Variants in LAMA2 observed in about 807,000 individuals in gnomAD.
LAMA2 encodes laminin subunit alpha-2.
A neutral mutation model predicts 364.8 loss-of-function variants in LAMA2; 269 were observed. The observed-to-expected ratio is 0.74, with a 90% confidence interval of 0.67 to 0.82. The LOEUF (loss-of-function observed/expected upper bound fraction) is 0.82. LAMA2 is among the 40% of genes least tolerant of loss of function. The pLI is 0.00. For synonymous variants in LAMA2, 1,379 were observed against 1,370.6 expected, an observed-to-expected ratio of 1.01 and a Z score of -0.14; for missense variants, 3,807 against 3,873.2, an observed-to-expected ratio of 0.98 and a Z score of 0.45.
intron 42 of LAMA2, 67 bp from the exon 43 acceptor site, chr6:129,440,749 C>A: frequency 7.3e-7 from 1 of 1,378,162 alleles, no homozygotes; most frequent in Non-Finnish European, 1.0e-6. Flanking sequence ...CTCGCTTTGT[C>A]AAGCATGGAT....
intron 58 of LAMA2, 93 bp downstream of exon 58, chr6:129,492,576 T>G: frequency 1.8e-6 from 2 of 1,123,560 alleles, no homozygotes; most frequent in Admixed American, 3.5e-5. Flanking sequence ...TCTAGTACAC[T>G]CTGATATTAG....
At chr6:129,456,982 T>G (rs1583796661) in intron 48 of LAMA2, among the ~76,000 whole-genome samples, 1 of 152,224 alleles carries the variant, frequency 6.6e-6, no homozygotes, top group East Asian at 1.9e-4. Context: ...GCACTTAATA[T>G]TCATAATTGC....
At chr6:129,469,311 T>C (rs1244710561) in intron 51 of LAMA2, among the ~76,000 whole-genome samples, 1 of 151,914 alleles carries the variant, frequency 6.6e-6, no homozygotes, top group Non-Finnish European at 1.5e-5. Flanking sequence ...GATTCAATAA[T>C]AGTCTAGGCA....
intron 12 of LAMA2, among the ~76,000 whole-genome samples, chr6:129,206,123 A>G (rs1202321636): frequency 9.0e-6 from 1 of 110,820 alleles, no homozygotes; most frequent in Non-Finnish European, 1.8e-5. Context: ...GAAGGAAGGA[A>G]GGAAGGAAGG....
intron 3 of LAMA2, among the ~76,000 whole-genome samples, chr6:129,065,614 G>A (rs1431787319): frequency 6.6e-6 from 1 of 151,812 alleles, no homozygotes. Context: ...AACTAACGAG[G>A]AACTATCTTT....
chr6:129,119,769 C>G (rs1039724615), intron 4 of LAMA2, among the ~76,000 whole-genome samples: 1 of 152,108 alleles, frequency 6.6e-6, no homozygotes, highest in African/African-American at 2.4e-5. Flanking sequence ...AGGATGGTCT[C>G]GATCTTCTGA....
chr6:129,157,922 G>A, intron 8 of LAMA2: 1 of 1,614,174 alleles, frequency 6.2e-7, no homozygotes, highest in Non-Finnish European at 8.5e-7. Context: ...TGCCCACCCT[G>A]GTATTCAAGG....
chr6:129,467,493 C>G (rs1280254004), intron 51 of LAMA2, among the ~76,000 whole-genome samples: 1 of 151,736 alleles, frequency 6.6e-6, no homozygotes, highest in Non-Finnish European at 1.5e-5. Context: ...TTCATATGCA[C>G]CACCTGGATC....
chr6:129,139,554 T>A (rs1178646792), intron 4 of LAMA2, among the ~76,000 whole-genome samples: 1 of 152,102 alleles, frequency 6.6e-6, no homozygotes, highest in Admixed American at 6.6e-5. Flanking sequence ...GACTTGAGCA[T>A]CCTCAGATTT....
intron 4 of LAMA2, 132 bp downstream of exon 4, chr6:129,098,547 A>T (rs1279106271): frequency 2.8e-6 from 3 of 1,068,166 alleles, no homozygotes; most frequent in Non-Finnish European, 4.1e-6. Flanking sequence ...CATTTAAATG[A>T]GTTATTAAAT....
intron 52 of LAMA2, among the ~76,000 whole-genome samples, chr6:129,474,221 A>C (rs934159597): frequency 7.2e-5 from 11 of 152,160 alleles, no homozygotes; most frequent in African/African-American, 1.9e-4. Context: ...GAAAAATCCC[A>C]GAATAGCTGA....
chr6:129,049,197 G>A (rs779831496), intron 1 of LAMA2, among the ~76,000 whole-genome samples: 5 of 152,170 alleles, frequency 3.3e-5, no homozygotes, highest in South Asian at 2.1e-4. Flanking sequence ...ACTGAATTTG[G>A]TTCTCAGAGG....
At chr6:129,197,410 A>G (rs1041095036) in intron 12 of LAMA2, among the ~76,000 whole-genome samples, 12 of 152,170 alleles carry the variant, frequency 7.9e-5, no homozygotes, top group Admixed American at 3.9e-4. Context: ...TCAACTGTTC[A>G]GGCAGAATTT....
chr6:129,438,775 G>A lies in LAMA2; in HGVS notation c.6085+13G>A, dbSNP rs761361741. On this transcript the variant is annotated intron_variant, in intron 42 of 64. Transcript: ENST00000421865. The stretch of plus-strand genomic sequence containing the variant: ...GCTATTCCAAATGGTAAGCATTCAG[G>A]ACACTACCAACTGTGTCAGTTGACC... 7.9e-7 allele frequency: 1 copy of A among 1,272,058 alleles called. No individual in the cohort carries two copies. The highest frequency in any genetic ancestry group is 1.2e-5 in the South Asian group (1 of 84,282). 78.8% of individuals were successfully genotyped at this position (1,272,058 alleles called of 1,614,324 possible). A position where few individuals can be genotyped will look rare whatever the true frequency, so the allele number is the denominator to read the frequency against.
chr6:129,219,892 C>T (rs762394617), intron 12 of LAMA2, among the ~76,000 whole-genome samples: 140 of 150,658 alleles, frequency 9.3e-4, no homozygotes, highest in Non-Finnish European at 1.7e-3. Context: ...ATGGGTGCAG[C>T]ACACCAGCAT....
At chr6:129,440,024 C>T (rs1265628417) in intron 42 of LAMA2, among the ~76,000 whole-genome samples, 1 of 151,942 alleles carries the variant, frequency 6.6e-6, no homozygotes, top group African/African-American at 2.4e-5. Flanking sequence ...CACTTAACAT[C>T]AGTTAAGATA....
chr6:129,066,047 T>TTTTTTTTC (rs1789296426), intron 3 of LAMA2, among the ~76,000 whole-genome samples: 2 of 81,948 alleles, frequency 2.4e-5, no homozygotes, highest in East Asian at 9.2e-4. Flanking sequence ...GGTTTTTTTT[T>TTTTTTTTC]TTTTTTTTTT....
chr6:129,022,524 T>A (rs540975420), intron 1 of LAMA2, among the ~76,000 whole-genome samples: 3 of 152,194 alleles, frequency 2.0e-5, no homozygotes, highest in Non-Finnish European at 4.4e-5. Flanking sequence ...AATTGTACTT[T>A]AATCGCTTTT....
chr6:129,334,657 T>C (rs1185575890), intron 29 of LAMA2, among the ~76,000 whole-genome samples: 1 of 152,192 alleles, frequency 6.6e-6, no homozygotes, highest in Non-Finnish European at 1.5e-5. Context: ...GGGTAGCTTA[T>C]AAATAACAGA....
Sources: allele counts gnomAD v4.1 joint callset (sites outside exome capture counted in the v4.1 genomes callset), GRCh38; gene constraint gnomAD v4.1.1; transcripts MANE v1.5; gene names NCBI Gene and HGNC (gene_info 2026-07-23, HGNC 2026-07-21).